The following RGS6 variants were observed in gnomAD, a reference collection of about 807,000 sequenced individuals.
The protein encoded by RGS6 is regulator of G-protein signaling 6.
In RGS6, 30 loss-of-function variants were observed where a neutral mutation model predicts 78.5. The ratio of observed to expected loss-of-function variants is 0.38; its 90% CI spans 0.29 to 0.52. The LOEUF is 0.52. RGS6 is among the 20% of genes least tolerant of loss of function. The probability of loss-of-function intolerance (pLI) is 0.85; values close to 1 mark genes in which losing one functional copy is unlikely to be tolerated. For missense variants in RGS6, 495 were observed against 609.7 expected (o/e 0.81, Z 1.98); for synonymous variants, 206 against 206.0 (o/e 1.00, Z 0.00).
intron 2 of RGS6, among the ~76,000 whole-genome samples, chr14:72,223,228 A>G (rs75847959): frequency 0.037 from 5,710 of 152,296 alleles, 160 homozygotes; most frequent in Admixed American, 0.064. Flanking sequence ...TAATAACACA[A>G]CCTGGCAGCA....
intron 12 of RGS6, among the ~76,000 whole-genome samples, chr14:72,482,386 C>T (rs1377958950): frequency 6.6e-6 from 1 of 152,192 alleles, no homozygotes; most frequent in Non-Finnish European, 1.5e-5. Context: ...CCCCAACACC[C>T]AACCCCTGCT....
At chr14:72,598,319 G>T in the RGS6 span, among the ~76,000 whole-genome samples, 1 of 152,168 alleles carries the variant, frequency 6.6e-6, no homozygotes, top group Non-Finnish European at 1.5e-5. Context: ...GTGGAATTGG[G>T]GACTAGGAAG....
At chr14:72,444,889 G>C (rs920312314) in intron 3 of RGS6, among the ~76,000 whole-genome samples, 1 of 14,060 alleles carries the variant, frequency 7.1e-5, no homozygotes, top group South Asian at 2.9e-3. Flanking sequence ...GACCACGTCA[G>C]AATGACTCAG....
intron 17 of RGS6, among the ~76,000 whole-genome samples, chr14:72,553,803 G>T (rs985595356): frequency 5.3e-5 from 8 of 152,126 alleles, no homozygotes; most frequent in African/African-American, 1.9e-4. Flanking sequence ...TCCTCTGTGG[G>T]CCCTGGGCCA....
chr14:72,457,691 C>T (rs2095667675), intron 4 of RGS6, among the ~76,000 whole-genome samples: 1 of 152,224 alleles, frequency 6.6e-6, no homozygotes, highest in Non-Finnish European at 1.5e-5. Flanking sequence ...TAGCCTCTCT[C>T]TGTCACTGCC....
chr14:72,541,532 C>T (rs1339885140), intron 17 of RGS6: 4 of 1,535,560 alleles, frequency 2.6e-6, no homozygotes, highest in South Asian at 1.2e-5. Context: ...TGCCAATGGC[C>T]GTGTGGCTCC....
chr14:72,451,064 T>A (rs1468914832), intron 3 of RGS6, among the ~76,000 whole-genome samples: 1 of 151,042 alleles, frequency 6.6e-6, no homozygotes, highest in East Asian at 1.9e-4. Flanking sequence ...CACGTCCCCC[T>A]GTCTCTAGGT....
At position 72,536,319 on chromosome 14, in the gene RGS6, TTGCCTG is replaced by T. The variant is rs780574189; in HGVS notation, c.1368+45_1368+50del. 100 of 1,374,260 alleles carry T rather than the reference TTGCCTG, an allele frequency of 7.3e-5. 1 individual carries two copies. The highest frequency in any genetic ancestry group is 9.9e-5 in the Non-Finnish European group (95 of 961,810). The allele number at this position is 1,374,260 out of a possible 1,614,324, so 85.1% of individuals were successfully genotyped here. ...GGCTTGCTCTTAGCACTGTTGACTCTTGCCTGCTGCTTGCTGCTGGTTTGAAATGAG... is the reference window on the plus strand; with the variant it reads ...GGCTTGCTCTTAGCACTGTTGACTCTCTGCTTGCTGCTGGTTTGAAATGAG... On this transcript the variant is annotated intron_variant, in intron 16 of 17. Transcript: ENST00000553525.
intron 2 of RGS6, among the ~76,000 whole-genome samples, chr14:72,320,514 C>T (rs1431611977): frequency 6.6e-6 from 1 of 151,926 alleles, no homozygotes; most frequent in African/African-American, 2.4e-5. Context: ...AGAGGCAGAG[C>T]TTGCAGTGAG....
chr14:72,292,010 C>T (rs917505625), intron 2 of RGS6, among the ~76,000 whole-genome samples: 1 of 152,000 alleles, frequency 6.6e-6, no homozygotes, highest in Non-Finnish European at 1.5e-5. Context: ...TCTGGCGTCA[C>T]ACAGCACACT....
chr14:71,948,738 C>CTTTTTTT (rs766352167), intron 1 of RGS6, among the ~76,000 whole-genome samples: 17 of 75,216 alleles, frequency 2.3e-4, no homozygotes, highest in African/African-American at 7.3e-4. Flanking sequence ...CTCTCTCTCT[C>CTTTTTTT]TCTTTTTTTT....
chr14:72,600,387 T>A, the RGS6 span, among the ~76,000 whole-genome samples: 1 of 143,510 alleles, frequency 7.0e-6, no homozygotes, highest in Non-Finnish European at 1.5e-5. Flanking sequence ...CCTACTTCCC[T>A]GACGAACATC....
intron 11 of RGS6, 37 bp downstream of exon 11, chr14:72,476,877 C>G (rs373146562): frequency 4.5e-6 from 7 of 1,562,192 alleles, no homozygotes; most frequent in African/African-American, 4.1e-5. Context: ...CAGGAGGAGA[C>G]GTGGCCAGTT....
intron 15 of RGS6, among the ~76,000 whole-genome samples, chr14:72,530,524 C>T (rs2153484434): frequency 6.6e-6 from 1 of 152,104 alleles, no homozygotes; most frequent in East Asian, 1.9e-4. Flanking sequence ...ACCGTCTCTA[C>T]TAAAAAATAT....
chr14:72,231,506 G>GGGCTTAAT (rs539421960), intron 2 of RGS6, among the ~76,000 whole-genome samples: 142 of 152,286 alleles, frequency 9.3e-4, no homozygotes, highest in African/African-American at 3.1e-3. Flanking sequence ...TGCCTTCATG[G>GGGCTTAAT]GGCTTAATTC....
rs1037819501 is a variant in RGS6, at chr14:72,555,483, C to CTT, written c.1423-6933_1423-6932dup. ...AGATAAGCTCAAGCATGCTCAAGAA[C>CTT]TTAAGTTCTTTTCTCAGGGAAGTTG... On this transcript the variant is annotated intron_variant, in intron 17 of 17. Transcript: ENST00000553525. Among the ~76,000 whole-genome samples, 105 of 152,222 alleles carry CTT rather than the reference C, an allele frequency of 6.9e-4. 1 individual carries two copies. Among genetic ancestry groups the CTT allele is most frequent in the Non-Finnish European group, 1.4e-3 (95 of 68,040 alleles).
chr14:72,006,917 C>T (rs1324546349), intron 2 of RGS6, among the ~76,000 whole-genome samples: 1 of 152,150 alleles, frequency 6.6e-6, no homozygotes, highest in Non-Finnish European at 1.5e-5. Context: ...GCCTTGAACA[C>T]ACTGTCCATA....
chr14:72,180,144 G>T (rs2097156024), intron 2 of RGS6, among the ~76,000 whole-genome samples: 1 of 152,170 alleles, frequency 6.6e-6, no homozygotes, highest in Admixed American at 6.5e-5. Flanking sequence ...TCCATTATTT[G>T]TATGGTAGCT....
chr14:72,259,873 T>C (rs1482431751), intron 2 of RGS6, among the ~76,000 whole-genome samples: 2 of 129,144 alleles, frequency 1.5e-5, no homozygotes, highest in African/African-American at 6.2e-5. Context: ...ATCGCGCCAC[T>C]GCACTCCAGC....
Sources: gnomAD v4.1 joint callset for allele counts (sites outside exome capture counted in the v4.1 genomes callset) on GRCh38, gnomAD v4.1.1 for gene constraint, MANE v1.5 for transcripts, NCBI Gene and HGNC (gene_info 2026-07-23, HGNC 2026-07-21) for gene names.